The following NEBL variants were observed in gnomAD, a reference collection of about 807,000 sequenced individuals.
NEBL encodes the protein LIM and SH3 protein 2.
Under a neutral mutation model 140.2 loss-of-function variants are expected in NEBL, and 122 were observed. That is an observed-to-expected ratio of 0.87 (90% CI 0.75 to 1.01). The LOEUF is 1.01. Among genes scored for constraint, NEBL ranks in the 50% least tolerant of loss-of-function variants. The probability of loss-of-function intolerance (pLI) is 0.00; values close to 1 mark genes in which losing one functional copy is unlikely to be tolerated. For missense variants in NEBL, 1,365 were observed against 1,231.3 expected (o/e 1.11, Z -1.62); for synonymous variants, 436 against 398.9 (o/e 1.09, Z -1.11).
At chr10:20,844,078 A>G (rs2130996464) in intron 12 of NEBL, among the ~76,000 whole-genome samples, 1 of 152,278 alleles carries the variant, frequency 6.6e-6, no homozygotes, top group Admixed American at 6.5e-5. Flanking sequence ...GTGAGAAAAG[A>G]TAGTGCAGCA....
chr10:21,027,981 G>A (rs1383617930), intron 2 of NEBL, among the ~76,000 whole-genome samples: 1 of 151,886 alleles, frequency 6.6e-6, no homozygotes, highest in Non-Finnish European at 1.5e-5. Flanking sequence ...CAGCACTTTG[G>A]GAGGCCAAGG....
At chr10:20,802,323 T>C (rs1837199680) in intron 26 of NEBL, among the ~76,000 whole-genome samples, 1 of 152,202 alleles carries the variant, frequency 6.6e-6, no homozygotes, top group Admixed American at 6.5e-5. Flanking sequence ...AGGAGCTGTG[T>C]GTCAAATAAA....
chr10:20,882,051 G>A (rs1485799012), intron 4 of NEBL, among the ~76,000 whole-genome samples: 1 of 152,088 alleles, frequency 6.6e-6, no homozygotes, highest in Non-Finnish European at 1.5e-5. Context: ...GGCAGCACAT[G>A]GCTGTTGTCC....
chr10:21,097,228 GGT>G (rs199508774), intron 2 of NEBL, among the ~76,000 whole-genome samples: 3,006 of 141,192 alleles, frequency 0.021, 139 homozygotes, highest in Middle Eastern at 0.062. Flanking sequence ...CCGGGGGGGG[GGT>G]GGGGCAGATC....
rs1222032892 is a variant in NEBL at position 21,043,273 on chromosome 10, G to A, written c.165-23072C>T. Among the ~76,000 whole-genome samples the A allele has an allele frequency of 4.6e-5, 7 of 152,052 alleles. No individual in the cohort carries two copies. The East Asian group carries it at 1.4e-3, about 29-fold the overall frequency. On this transcript the variant is annotated intron_variant, in intron 2 of 6. Coordinates refer to the NEBL transcript ENST00000417816. ...ATACTTTTCTTTTTTTCAATAAAAT[G>A]GAGCAACACCAACCAGTTGTCATCC...
Position 21,030,589 on chromosome 10 carries a change from G to A in NEBL, c.165-10388C>T, listed in dbSNP as rs528086355. 18 of 637,356 alleles carry A rather than the reference G, an allele frequency of 2.8e-5. No homozygotes were observed. In the African/African-American group the frequency reaches 2.9e-4, roughly 10 times the overall value. The allele number at this position is 637,356 out of a possible 1,614,324, so 39.5% of individuals were successfully genotyped here. A position where few individuals can be genotyped will look rare whatever the true frequency, so the allele number is the denominator to read the frequency against. On this transcript the variant is annotated intron_variant, in intron 2 of 6. Transcript: ENST00000417816. ...ACAGCACGAATACCCTACAAGTGGT[G>A]GGGGAAAAGTAACTCCAGCTCAACC... is the stretch of plus-strand genomic sequence containing the variant.
intron 4 of NEBL, among the ~76,000 whole-genome samples, chr10:20,908,290 T>C (rs1476612354): frequency 6.6e-6 from 1 of 152,230 alleles, no homozygotes; most frequent in East Asian, 1.9e-4. Flanking sequence ...ATTGAATGGA[T>C]GGATGCTTTT....
At chr10:20,995,479 A>C (rs921225151) in intron 3 of NEBL, among the ~76,000 whole-genome samples, 14 of 152,152 alleles carry the variant, frequency 9.2e-5, no homozygotes, top group African/African-American at 3.4e-4. Context: ...CTAAAAAGTA[A>C]AGATCCTCCA....
intron 3 of NEBL, among the ~76,000 whole-genome samples, chr10:21,205,862 G>A (rs554540969): frequency 3.9e-5 from 6 of 152,196 alleles, no homozygotes; most frequent in Admixed American, 1.3e-4. Context: ...TCATAAACAT[G>A]CAGCTAAGGA....
intron 2 of NEBL, among the ~76,000 whole-genome samples, chr10:21,111,573 C>A (rs1221067558): frequency 4.0e-5 from 6 of 151,190 alleles, no homozygotes; most frequent in Admixed American, 4.0e-4. Context: ...TTCCTTACAC[C>A]ATATACAAAA....
At position 21,211,686 on chromosome 10, in the gene NEBL, G is replaced by A. The variant is rs140519033; in HGVS notation, n.348+36235C>T. 2.7e-3 allele frequency among the ~76,000 whole-genome samples: 405 copies of A among 152,238 alleles called. 2 individuals carry two copies. The highest frequency in any genetic ancestry group is 4.7e-3 in the Admixed American group (72 of 15,298). The stretch of plus-strand genomic sequence containing the variant: ...CCAGTTACGTCAACTTCAAAAACCC[G>A]TCTGAGTCCTTTTGTAAAGGTAAAA... On this transcript the variant is annotated intron_variant and non_coding_transcript_variant, in intron 3 of 8. Coordinates refer to the NEBL transcript ENST00000675702.
At chr10:21,039,587 C>T (rs374805909) in intron 2 of NEBL, among the ~76,000 whole-genome samples, 2 of 152,150 alleles carry the variant, frequency 1.3e-5, no homozygotes, top group African/African-American at 4.8e-5. Flanking sequence ...CAAGAGAGAA[C>T]TAAATTATGT....
At chr10:21,218,122 CCAAGCCAGGCCA>C (rs1842021165) in intron 3 of NEBL, 1 of 154,498 alleles carries the variant, frequency 6.5e-6, no homozygotes, top group South Asian at 2.0e-4. Context: ...CAGGCAATCA[CCAAGCCAGGCCA>C]CAAGTACAGG....
intron 4 of NEBL, among the ~76,000 whole-genome samples, chr10:20,949,914 A>G (rs1835377509): frequency 6.6e-6 from 1 of 152,252 alleles, no homozygotes; most frequent in Non-Finnish European, 1.5e-5. Context: ...TATAGCCTCT[A>G]TTATTAAACA....
chr10:21,100,029 G>C (rs191715716), intron 2 of NEBL, among the ~76,000 whole-genome samples: 60 of 152,082 alleles, frequency 3.9e-4, no homozygotes, highest in African/African-American at 1.4e-3. Flanking sequence ...TTAAAAACAC[G>C]CCCAATAACC....
At chr10:20,925,542 C>T (rs1833866632) in intron 4 of NEBL, among the ~76,000 whole-genome samples, 1 of 152,168 alleles carries the variant, frequency 6.6e-6, no homozygotes, top group African/African-American at 2.4e-5. Flanking sequence ...CCAATAAATA[C>T]ACTCACCTTT....
chr10:21,142,231 A>T (rs1481437932), intron 2 of NEBL, among the ~76,000 whole-genome samples: 1 of 152,088 alleles, frequency 6.6e-6, no homozygotes, highest in African/African-American at 2.4e-5. Flanking sequence ...GACCATGACC[A>T]CATGGACCAA....
chr10:20,914,435 A>T (rs1457173818), intron 4 of NEBL, among the ~76,000 whole-genome samples: 2 of 152,238 alleles, frequency 1.3e-5, no homozygotes, highest in Non-Finnish European at 2.9e-5. Context: ...TATGTTTCCT[A>T]TAAATCCCTT....
At chr10:21,177,398 G>A (rs1249968649), upstream of NEBL, among the ~76,000 whole-genome samples, 1 of 152,162 alleles carries the variant, frequency 6.6e-6, no homozygotes, top group Non-Finnish European at 1.5e-5. Context: ...CTGAGATTTG[G>A]GGGATTGTTT....
Sources: gnomAD v4.1 joint callset for allele counts (sites outside exome capture counted in the v4.1 genomes callset) on GRCh38, gnomAD v4.1.1 for gene constraint, MANE v1.5 for transcripts, NCBI Gene and HGNC (gene_info 2026-07-23, HGNC 2026-07-21) for gene names.